PIWIL1: variants seen among roughly 807,000 people sequenced by gnomAD.
The protein encoded by PIWIL1 is piwi like RNA-mediated gene silencing 1, also known as piwi-like protein 1.
PIWIL1 carries 73 observed loss-of-function variants against 114.4 expected under a neutral mutation model. The observed-to-expected ratio is 0.64, with a 90% CI of 0.53 to 0.78. The LOEUF is 0.78. PIWIL1 is among the 30% of genes least tolerant of loss of function. The pLI is 0.00. For synonymous variants in PIWIL1, 375 were observed against 369.0 expected, an observed-to-expected ratio of 1.02 and a Z score of -0.19; for missense variants, 723 against 1,063.1, an observed-to-expected ratio of 0.68 and a Z score of 4.45.
rs775094563 is a variant in PIWIL1, at chr12:130,361,326, T to G, written c.1812T>G (p.Ile604Met). ...QQTVMAIATK[I>M]ALQMNCKMGG... ...CTGTCATGGCCATTGCTACAAAGAT[T>G]GCCCTACAGATGAACTGCAAGATGG... Residue 604 changes from isoleucine (I) to methionine (M), a missense_variant, in exon 15 of 21, where the codon ATT (isoleucine) becomes ATG (methionine). Transcript: ENST00000245255. The G allele has an allele frequency of 6.2e-7, 1 of 1,614,218 alleles. No individual in the cohort carries two copies. Among genetic ancestry groups the G allele is most frequent in the Non-Finnish European group, 8.5e-7 (1 of 1,180,038 alleles).
At chr12:130,379,083 A>C in the PIWIL1 span, among the ~76,000 whole-genome samples, 6 of 152,316 alleles carry the variant, frequency 3.9e-5, no homozygotes, top group African/African-American at 1.4e-4. Context: ...TTGTATTCTG[A>C]CTTGCAGTGT....
chr12:130,418,403 C>A, the PIWIL1 span, among the ~76,000 whole-genome samples: 1 of 152,194 alleles, frequency 6.6e-6, no homozygotes, highest in East Asian at 1.9e-4. Context: ...CTACAACAGG[C>A]ACAGCTGTGC....
At chr12:130,358,286 T>G (rs149077867) in intron 14 of PIWIL1, among the ~76,000 whole-genome samples, 21 of 152,274 alleles carry the variant, frequency 1.4e-4, no homozygotes, top group Non-Finnish European at 1.6e-4. Context: ...ACGGGTGGTT[T>G]TCATTGGTGA....
chr12:130,384,245 G>T, the PIWIL1 span, among the ~76,000 whole-genome samples: 1 of 152,172 alleles, frequency 6.6e-6, no homozygotes, highest in East Asian at 1.9e-4. Context: ...TCAGCACTTT[G>T]TTTTGTTGAA....
intron 6 of PIWIL1, among the ~76,000 whole-genome samples, 188 bp from the exon 7 acceptor site, chr12:130,347,915 A>T (rs990993070): frequency 1.3e-5 from 2 of 152,046 alleles, no homozygotes; most frequent in Non-Finnish European, 2.9e-5. Flanking sequence ...ATAATCTTTT[A>T]TTTTTTCCAA....
the PIWIL1 span, among the ~76,000 whole-genome samples, chr12:130,421,222 TAGA>T: frequency 4.4e-4 from 67 of 152,322 alleles, no homozygotes; most frequent in African/African-American, 1.3e-3. Context: ...ACACTAGGTT[TAGA>T]ATACCCGAAA....
chr12:130,418,228 CTAAAA>C, the PIWIL1 span, among the ~76,000 whole-genome samples: 3 of 152,234 alleles, frequency 2.0e-5, no homozygotes, highest in African/African-American at 4.8e-5. Flanking sequence ...AATGCCTAAT[CTAAAA>C]TGTCAGTAAT....
intron 9 of PIWIL1, 45 bp from the exon 10 acceptor site, chr12:130,354,492 T>C: frequency 1.2e-6 from 2 of 1,613,006 alleles, no homozygotes. Context: ...GAGATGCTAC[T>C]CGAGGCATTT....
the PIWIL1 span, chr12:130,406,145 G>A: frequency 7.7e-7 from 1 of 1,290,474 alleles, no homozygotes; most frequent in Non-Finnish European, 1.1e-6. Context: ...AAATCAAATG[G>A]TACTTCTTGA....
rs1302669502 is a variant in PIWIL1, at chr12:130,343,033, C to T, written c.122C>T (p.Pro41Leu). 4 of 1,614,126 alleles carry T rather than the reference C, an allele frequency of 2.5e-6. No individual in the cohort carries two copies. Among genetic ancestry groups the T allele is most frequent in the Non-Finnish European group, 2.5e-6 (3 of 1,179,984 alleles). The change falls in exon 3 of 21, where the codon CCA becomes CTA. Residue 41 changes from proline (P) to leucine (L), a missense_variant. Transcript: ENST00000245255. ...GYIQPRPQPPPAEGELFGRGR... is the reference protein window; with the variant it reads ...GYIQPRPQPPLAEGELFGRGR... ...ATTCAGCCTAGGCCTCAGCCGCCAC[C>T]AGCAGAGGGGGAATTATTTGGCCGT... is the stretch of plus-strand genomic sequence containing the variant.
At chr12:130,424,381 G>A in the PIWIL1 span, 3 of 1,232,702 alleles carry the variant, frequency 2.4e-6, no homozygotes, top group East Asian at 3.2e-5. The surrounding 1 kb of genome is among the most constrained non-coding windows in gnomAD (Gnocchi z 9.8). Context: ...TGCCGGGTCA[G>A]CGTCCGCCGC....
chr12:130,402,416 G>A, the PIWIL1 span, among the ~76,000 whole-genome samples: 32,261 of 152,036 alleles, frequency 0.21, 4,147 homozygotes, highest in Non-Finnish European at 0.29. Context: ...TCTTGAGTCT[G>A]CCTTCCCCTG....
At position 130,361,221 on chromosome 12, in the gene PIWIL1, T is replaced by C. The variant is rs775612243; in HGVS notation, c.1707T>C (p.Asp569=). 2 of 1,614,190 alleles carry C rather than the reference T, an allele frequency of 1.2e-6. No individual in the cohort carries two copies. Among genetic ancestry groups the C allele is most frequent in the Non-Finnish European group, 1.7e-6 (2 of 1,180,038 alleles). Residue 569 remains aspartate (D), a synonymous_variant, in exon 15 of 21, where the codon GAT becomes GAC. Coordinates refer to ENST00000245255, the MANE Select transcript of PIWIL1 (RefSeq NM_004764.5). ...CAAGTAATCGGAAGGACAAATACGA[T>C]GCTATTAAAAAATACCTGTGTACAG... The part of the protein sequence containing the change: ...LLSSNRKDKY[D]AIKKYLCTDC...
At chr12:130,380,542 T>G in the PIWIL1 span, among the ~76,000 whole-genome samples, 2 of 152,130 alleles carry the variant, frequency 1.3e-5, no homozygotes, top group Non-Finnish European at 2.9e-5. Flanking sequence ...TTGAAAAAAT[T>G]GAGTAGGTTG....
At chr12:130,344,639 C>G (rs2073018873) in intron 3 of PIWIL1, among the ~76,000 whole-genome samples, 2 of 152,290 alleles carry the variant, frequency 1.3e-5, no homozygotes, top group Non-Finnish European at 2.9e-5. Context: ...GAGAACTGGA[C>G]TCTGATCTTT....
At chr12:130,364,428 T>C (rs77039771) in intron 18 of PIWIL1, among the ~76,000 whole-genome samples, 2 of 152,296 alleles carry the variant, frequency 1.3e-5, no homozygotes, top group African/African-American at 2.4e-5. Flanking sequence ...CTTTGGCCAA[T>C]GCTAAAAGGC....
the PIWIL1 span, among the ~76,000 whole-genome samples, chr12:130,421,895 A>C: frequency 1.3e-4 from 20 of 152,352 alleles, no homozygotes; most frequent in African/African-American, 4.3e-4. Flanking sequence ...GCTGAATTCC[A>C]AAAAGTCAGG....
chr12:130,365,846 T>G (rs1229300773), intron 18 of PIWIL1, among the ~76,000 whole-genome samples: 2 of 152,224 alleles, frequency 1.3e-5, no homozygotes, highest in Non-Finnish European at 2.9e-5. Context: ...CAGAGGCATT[T>G]GAAACAGAGG....
the PIWIL1 span, chr12:130,425,958 C>T: frequency 6.6e-6 from 1 of 152,350 alleles, no homozygotes; most frequent in Non-Finnish European, 1.5e-5. Context: ...GGCATCGGGG[C>T]ACACACTGTG....
Sources: allele counts gnomAD v4.1 joint callset (sites outside exome capture counted in the v4.1 genomes callset), GRCh38; gene constraint gnomAD v4.1.1; non-coding constraint Gnocchi (gnomAD v3.1); transcripts MANE v1.5; gene names NCBI Gene and HGNC (gene_info 2026-07-23, HGNC 2026-07-21).